The following LPP variants were observed in gnomAD, a reference collection of about 807,000 sequenced individuals.
LPP encodes lipoma-preferred partner.
Under a neutral mutation model 60.4 loss-of-function variants are expected in LPP, and 38 were observed. The observed-to-expected ratio is 0.63, with a 90% CI of 0.49 to 0.83. The LOEUF is 0.83. Ranked by LOEUF, LPP falls within the 40% of genes least tolerant of loss-of-function variation. LPP has a pLI of 0.00. For synonymous variants in LPP, 328 were observed against 290.8 expected (o/e 1.13, Z -1.30); for missense variants, 902 against 783.6 (o/e 1.15, Z -1.80).
intron 4 of LPP, among the ~76,000 whole-genome samples, chr3:188,450,055 G>A (rs770573183): frequency 1.2e-4 from 18 of 151,902 alleles, no homozygotes; most frequent in Non-Finnish European, 5.9e-5. Flanking sequence ...CGCCCACCTC[G>A]GACTCCCAAA....
intron 9 of LPP, among the ~76,000 whole-genome samples, chr3:188,783,258 A>G (rs926665676): frequency 2.0e-5 from 3 of 152,138 alleles, no homozygotes; most frequent in Admixed American, 1.3e-4. Flanking sequence ...GATATTAGAA[A>G]TGCTGTCTCC....
At position 188,591,006 on chromosome 3, in the gene LPP, T is replaced by G. The variant is rs140968823; in HGVS notation, c.430-18155T>G. On this transcript the variant is annotated intron_variant, in intron 6 of 11. Transcript: ENST00000617246. ...ATACAGTGGAGCTTGAGGATTTTTG[T>G]TGTTGATTTTCTGTCCTTTTATATT... 6.8e-3 allele frequency among the ~76,000 whole-genome samples: 1,040 copies of G among 152,314 alleles called. 9 individuals carry two copies. The highest frequency in any genetic ancestry group is 0.021 in the African/African-American group (887 of 41,570).
chr3:188,236,011 T>C (rs1195731757), intron 2 of LPP, among the ~76,000 whole-genome samples: 1 of 152,128 alleles, frequency 6.6e-6, no homozygotes, highest in Non-Finnish European at 1.5e-5. Context: ...TGATGACTCA[T>C]TAACTCGAGC....
At chr3:188,219,041 A>G (rs76976152) in intron 1 of LPP, among the ~76,000 whole-genome samples, 3,536 of 128,092 alleles carry the variant, frequency 0.028, 151 homozygotes, top group African/African-American at 0.097. Flanking sequence ...CAGTTTTTAT[A>G]CTACCCTTTC....
chr3:188,313,357 T>A (rs1218065810), intron 2 of LPP, among the ~76,000 whole-genome samples: 1 of 152,080 alleles, frequency 6.6e-6, no homozygotes, highest in Non-Finnish European at 1.5e-5. Context: ...TATCTAGTTC[T>A]GGCTGGGCGT....
intron 6 of LPP, among the ~76,000 whole-genome samples, chr3:188,551,245 AT>A (rs879583244): frequency 1.4e-4 from 21 of 152,292 alleles, no homozygotes; most frequent in Middle Eastern, 3.4e-3. Flanking sequence ...AATGAGGACG[AT>A]GCAAAAGCAG....
At chr3:188,658,368 A>T (rs1212448717) in intron 7 of LPP, among the ~76,000 whole-genome samples, 1 of 152,034 alleles carries the variant, frequency 6.6e-6, no homozygotes, top group Non-Finnish European at 1.5e-5. Flanking sequence ...CTGGTCTCAA[A>T]CTCCTGACCT....
At chr3:188,510,126 A>C (rs1190010739) in intron 5 of LPP, among the ~76,000 whole-genome samples, 1 of 152,182 alleles carries the variant, frequency 6.6e-6, no homozygotes, top group African/African-American at 2.4e-5. Flanking sequence ...TTCATAAGAA[A>C]GCCTGAAATG....
chr3:188,356,407 T>C (rs1221176372), intron 3 of LPP, among the ~76,000 whole-genome samples: 3 of 152,172 alleles, frequency 2.0e-5, no homozygotes, highest in African/African-American at 7.2e-5. Context: ...AAACTTATGC[T>C]CTAGAAGCCC....
chr3:188,801,262 T>C (rs1747183276), intron 9 of LPP, among the ~76,000 whole-genome samples: 1 of 152,152 alleles, frequency 6.6e-6, no homozygotes, highest in South Asian at 2.1e-4. Context: ...AGAGATTATT[T>C]TATTACCAAC....
intron 6 of LPP, among the ~76,000 whole-genome samples, chr3:188,535,644 T>A (rs1823378753): frequency 6.6e-6 from 1 of 152,220 alleles, no homozygotes; most frequent in Admixed American, 6.5e-5. Context: ...AGCAACCTAA[T>A]GGTAACCAAT....
chr3:188,300,420 AACTT>A (rs1314914542), intron 2 of LPP, among the ~76,000 whole-genome samples: 1 of 150,378 alleles, frequency 6.6e-6, no homozygotes, highest in East Asian at 1.9e-4. Context: ...CCAAGAAAGG[AACTT>A]ACTTTAAAAC....
Position 188,231,135 on chromosome 3 carries a change from A to G in LPP, c.-67+5608A>G, listed in dbSNP as rs187966365. 9.8e-5 allele frequency among the ~76,000 whole-genome samples: 15 copies of G among 152,306 alleles called. No homozygotes were observed. The South Asian group carries it at 1.7e-3, about 17-fold the overall frequency. On this transcript the variant is annotated intron_variant, in intron 2 of 11. Coordinates refer to ENST00000617246, the MANE Select transcript of LPP (RefSeq NM_001375462.1). ...TTTTTATAAGTTAATCCTGGAGGTG[A>G]CACACTGTTCCCTCTGCCTCATTCT...
chr3:188,547,223 A>T (rs1826888190), intron 6 of LPP, among the ~76,000 whole-genome samples: 1 of 152,212 alleles, frequency 6.6e-6, no homozygotes, highest in Non-Finnish European at 1.5e-5. Context: ...GTTTCTGCAA[A>T]TGCATTCCCT....
intron 11 of LPP, among the ~76,000 whole-genome samples, chr3:188,873,046 A>G (rs1159649870): frequency 6.6e-6 from 1 of 150,870 alleles, no homozygotes; most frequent in Non-Finnish European, 1.5e-5. Context: ...ATTAAAGGAC[A>G]TTGTAAATTG....
In LPP at chr3:188,396,331, A is replaced by C. The variant is rs1006527846; in HGVS notation, c.-9-9781A>C. On this transcript the variant is annotated intron_variant, in intron 3 of 11. Transcript: ENST00000617246. ...AATAAATATTCAAAAACAGAAAAAT[A>C]CAAACAGAATCATTAAAAAATTAAG... Among the ~76,000 whole-genome samples, 5 of 152,248 alleles carry C rather than the reference A, an allele frequency of 3.3e-5. No homozygotes were observed. In the East Asian group the frequency reaches 9.6e-4, roughly 29 times the overall value.
intron 1 of LPP, chr3:188,213,069 G>A (rs986569146): frequency 1.3e-5 from 2 of 152,176 alleles, no homozygotes; most frequent in Non-Finnish European, 2.9e-5. Context: ...TCTCATCTGA[G>A]GCCTAACTTG....
At chr3:188,519,231 A>G (rs954744823) in intron 5 of LPP, among the ~76,000 whole-genome samples, 16 of 152,200 alleles carry the variant, frequency 1.1e-4, no homozygotes, top group African/African-American at 3.6e-4. Flanking sequence ...CAGCATCACC[A>G]AGCATGGGCC....
chr3:188,822,570 G>A (rs561554130), intron 9 of LPP, among the ~76,000 whole-genome samples: 3 of 152,258 alleles, frequency 2.0e-5, no homozygotes, highest in Admixed American at 1.3e-4. Flanking sequence ...AGAATGTCCT[G>A]GAGGCCCCCA....
Sources: gnomAD v4.1 joint callset for allele counts (sites outside exome capture counted in the v4.1 genomes callset) on GRCh38, gnomAD v4.1.1 for gene constraint, MANE v1.5 for transcripts, NCBI Gene and HGNC (gene_info 2026-07-23, HGNC 2026-07-21) for gene names.